Variants in SLC9A4 observed in about 807,000 individuals in gnomAD.
The protein encoded by SLC9A4 is sodium/hydrogen exchanger 4.
SLC9A4 carries 63 observed loss-of-function variants against 67.4 expected under a neutral mutation model. The observed-to-expected ratio is 0.93, with a 90% CI of 0.76 to 1.15. The LOEUF is 1.15. Among genes scored for constraint, SLC9A4 ranks in the 50% most tolerant of loss-of-function variants. The pLI is 0.00. For missense variants in SLC9A4, 1,089 were observed against 987.7 expected (o/e 1.10, Z -1.38); for synonymous variants, 393 against 367.2 (o/e 1.07, Z -0.80).
At chr2:102,500,552 A>G (rs1213287889) in intron 2 of SLC9A4, among the ~76,000 whole-genome samples, 1 of 152,114 alleles carries the variant, frequency 6.6e-6, no homozygotes, top group Admixed American at 6.5e-5. Context: ...CCCCGTCAAC[A>G]AAGTGTATTG....
chr2:102,510,770 T>C (rs1250089251), intron 6 of SLC9A4, among the ~76,000 whole-genome samples: 1 of 152,144 alleles, frequency 6.6e-6, no homozygotes, highest in Non-Finnish European at 1.5e-5. Flanking sequence ...TATTACTTCT[T>C]TTGCAAACAT....
intron 2 of SLC9A4, among the ~76,000 whole-genome samples, chr2:102,488,671 C>T (rs1229655313): frequency 6.6e-6 from 1 of 151,884 alleles, no homozygotes. Flanking sequence ...GCCTCAGCCT[C>T]CCGAGTAGCT....
At chr2:102,519,069 C>T (rs972792827) in intron 8 of SLC9A4, among the ~76,000 whole-genome samples, 10 of 152,184 alleles carry the variant, frequency 6.6e-5, no homozygotes, top group Admixed American at 2.0e-4. Context: ...GATCATTCTT[C>T]CCCCAGCAAT....
Position 102,514,136 on chromosome 2 carries a change from A to G in SLC9A4, c.1606A>G (p.Lys536Glu). ...HRYLRKILIR[K>E]NLPKSSIVSL... Reference sequence around the variant, plus strand: ...ATACTTACGGAAAATCCTCATCAGAAAGAACCTACCCAAATCAAGCATTGT... The same window carrying G: ...ATACTTACGGAAAATCCTCATCAGAGAGAACCTACCCAAATCAAGCATTGT... The change falls in exon 8 of 12, where the codon AAG (lysine) becomes GAG (glutamate). Residue 536 changes from lysine (K) to glutamate (E), a missense_variant. Lys to Glu is a moderately conservative substitution (Grantham distance 56). Transcript: ENST00000295269. The G allele has an allele frequency of 1.2e-6, 2 of 1,613,912 alleles. No individual in the cohort carries two copies. The highest frequency in any genetic ancestry group is 1.7e-6 in the Non-Finnish European group (2 of 1,179,960).
chr2:102,531,183 C>T (rs1674773370), intron 11 of SLC9A4, among the ~76,000 whole-genome samples: 3 of 151,624 alleles, frequency 2.0e-5, no homozygotes, highest in Non-Finnish European at 2.9e-5. Flanking sequence ...CTGCCTCAGC[C>T]TCCCGAGTAG....
In SLC9A4 at chr2:102,524,950, T is replaced by C. The variant is rs1674627606; in HGVS notation, c.1819-74T>C. On this transcript the variant is annotated intron_variant, in intron 9 of 11. Transcript: ENST00000295269. ...TGTTCTCCTGGTCTTAGGTTCCTGA[T>C]GTTTCCATGGCTTCCTTGGCTGAAA... The C allele has an allele frequency of 8.2e-6, 13 of 1,578,350 alleles. No individual in the cohort carries two copies. The Admixed American group carries it at 2.2e-4, about 27-fold the overall frequency.
intron 2 of SLC9A4, among the ~76,000 whole-genome samples, chr2:102,489,489 T>A (rs1401365805): frequency 6.6e-6 from 1 of 152,212 alleles, no homozygotes; most frequent in African/African-American, 2.4e-5. Flanking sequence ...ATGGCAATCC[T>A]CCATCTTTCT....
At chr2:102,506,804 C>G in intron 4 of SLC9A4, among the ~76,000 whole-genome samples, 1 of 152,234 alleles carries the variant, frequency 6.6e-6, no homozygotes, top group South Asian at 2.1e-4. Flanking sequence ...TTGCAGGAAC[C>G]TCAACATTGT....
intron 9 of SLC9A4, among the ~76,000 whole-genome samples, chr2:102,524,185 C>T (rs1429380057): frequency 6.6e-6 from 1 of 152,226 alleles, no homozygotes; most frequent in Non-Finnish European, 1.5e-5. Flanking sequence ...GCATCCGTCA[C>T]TTGGGAGGGA....
chr2:102,512,802 G>A (rs1430036896), intron 7 of SLC9A4, among the ~76,000 whole-genome samples: 2 of 152,200 alleles, frequency 1.3e-5, no homozygotes, highest in East Asian at 1.9e-4. Flanking sequence ...TTCCAGTTCA[G>A]GAGGGAGGTT....
chr2:102,479,563 C>T (rs2104413595), intron 2 of SLC9A4, among the ~76,000 whole-genome samples: 1 of 152,300 alleles, frequency 6.6e-6, no homozygotes, highest in African/African-American at 2.4e-5. Context: ...ACGTATCATT[C>T]TTGAGTTAAA....
chr2:102,485,387 C>A (rs6749440), intron 2 of SLC9A4, among the ~76,000 whole-genome samples: 1 of 152,206 alleles, frequency 6.6e-6, no homozygotes, highest in Non-Finnish European at 1.5e-5. Flanking sequence ...GACCATTGAC[C>A]TTTCATGCAG....
chr2:102,476,549 C>T (rs2104410869), intron 1 of SLC9A4, among the ~76,000 whole-genome samples: 1 of 152,288 alleles, frequency 6.6e-6, no homozygotes, highest in South Asian at 2.1e-4. Context: ...AAACTGGATT[C>T]CTGGAAGCAG....
chr2:102,497,477 C>G (rs1007112237), intron 2 of SLC9A4, among the ~76,000 whole-genome samples: 7 of 152,028 alleles, frequency 4.6e-5, no homozygotes, highest in African/African-American at 1.7e-4. Context: ...TATGCCATAA[C>G]CAGATAGTGG....
In SLC9A4 at chr2:102,479,443, G is replaced by A. The variant is rs145280104; in HGVS notation, c.720+141G>A. 9.2e-6 allele frequency: 8 copies of A among 865,150 alleles called. No homozygotes were observed. In the East Asian group the frequency reaches 2.1e-4, roughly 23 times the overall value. 53.6% of individuals were successfully genotyped at this position (865,150 alleles called of 1,614,324 possible). ...AGCTTCAGCCCATGCGGTGTGGTCC[G>A]AGTTCTGGTGAATTTCCTTGGGATC... On this transcript the variant is annotated intron_variant, in intron 2 of 11. Coordinates refer to ENST00000295269, the MANE Select transcript of SLC9A4 (RefSeq NM_001011552.4).
At chr2:102,478,395 A>G (rs1684377939) in intron 1 of SLC9A4, among the ~76,000 whole-genome samples, 1 of 152,210 alleles carries the variant, frequency 6.6e-6, no homozygotes. Flanking sequence ...AGACAAAATA[A>G]AGGACTTTTA....
intron 1 of SLC9A4, among the ~76,000 whole-genome samples, chr2:102,478,140 G>A (rs1684371794): frequency 6.6e-6 from 1 of 152,206 alleles, no homozygotes; most frequent in Non-Finnish European, 1.5e-5. Context: ...TCTGGCAGTA[G>A]AGTGTGGTGA....
intron 8 of SLC9A4, among the ~76,000 whole-genome samples, chr2:102,519,413 A>G (rs1295985870): frequency 1.3e-5 from 2 of 152,230 alleles, no homozygotes; most frequent in Middle Eastern, 3.2e-3. Flanking sequence ...CCTGTCCTCA[A>G]TGAGATAGGT....
intron 11 of SLC9A4, among the ~76,000 whole-genome samples, chr2:102,527,644 T>C (rs372381103): frequency 2.0e-5 from 3 of 152,208 alleles, no homozygotes; most frequent in African/African-American, 7.2e-5. Flanking sequence ...AATTTTTACA[T>C]ATATTGTCAA....
Sources: allele counts gnomAD v4.1 joint callset (sites outside exome capture counted in the v4.1 genomes callset), GRCh38; gene constraint gnomAD v4.1.1; transcripts MANE v1.5; gene names NCBI Gene and HGNC (gene_info 2026-07-23, HGNC 2026-07-21).